STAT5B: variants seen among roughly 807,000 people sequenced by gnomAD.
The protein encoded by STAT5B is signal transducer and activator of transcription 5B.
A neutral mutation model predicts 107.8 loss-of-function variants in STAT5B; 21 were observed. That is an observed-to-expected ratio of 0.19 (90% CI 0.14 to 0.28). The LOEUF is 0.28. Among genes scored for constraint, STAT5B ranks in the 10% least tolerant of loss-of-function variants. STAT5B has a pLI of 1.00. For missense variants in STAT5B, 565 were observed against 1,008.2 expected (o/e 0.56, Z 5.95); for synonymous variants, 325 against 401.7 (o/e 0.81, Z 2.28).
At chr17:42,242,341 T>C (rs1160681847) in intron 1 of STAT5B, among the ~76,000 whole-genome samples, 2 of 152,048 alleles carry the variant, frequency 1.3e-5, no homozygotes, top group African/African-American at 4.8e-5. Context: ...ACTAAAACCA[T>C]TAGGTGACAG....
upstream of STAT5B, among the ~76,000 whole-genome samples, chr17:42,279,290 G>T (rs1018691651): frequency 2.0e-5 from 3 of 152,152 alleles, no homozygotes; most frequent in Admixed American, 2.0e-4. Context: ...TTTGTAATGT[G>T]GTGATAGAGA....
chr17:42,275,404 T>G (rs1255102601), intron 1 of STAT5B: 1 of 152,250 alleles, frequency 6.6e-6, no homozygotes, highest in East Asian at 1.9e-4. Flanking sequence ...AAGCTGACAC[T>G]TGGTTTTCTT....
At chr17:42,207,498 C>T (rs1031502958) in intron 16 of STAT5B, 60 bp downstream of exon 16, 4 of 1,537,228 alleles carry the variant, frequency 2.6e-6, no homozygotes, top group Middle Eastern at 1.7e-4. Flanking sequence ...CACACACACA[C>T]ACACACACAC....
rs1475262534 is a variant in STAT5B, at chr17:42,223,495, T to C, written c.437A>G (p.Gln146Arg). The change falls in exon 5 of 19, where the codon CAG becomes CGG. Residue 146 changes from glutamine (Q) to arginine (R), a missense_variant. By Grantham distance (43) the Gln-to-Arg change is conservative. Around this residue, in one of 11 missense-constraint regions of STAT5B, gnomAD observed 54 missense variants for 49.7 expected, o/e 1.09. Coordinates refer to ENST00000293328, the MANE Select transcript of STAT5B (RefSeq NM_012448.4). ...GACCAGTCGCAGCTCCTCAAACGTC[T>C]GGTTGATCTGGAGGTGTTTCTGGGA... ...AMSQKHLQIN[Q>R]TFEELRLVTQ... 6.2e-7 allele frequency: 1 copy of C among 1,614,170 alleles called. No homozygotes were observed. The highest frequency in any genetic ancestry group is 8.5e-7 in the Non-Finnish European group (1 of 1,180,030).
Position 42,200,114 on chromosome 17 carries a change from C to T in STAT5B, c.*1624G>A, listed in dbSNP as rs1417337992. 1.3e-5 allele frequency: 2 copies of T among 152,664 alleles called. No homozygotes were observed. Among genetic ancestry groups the T allele is most frequent in the Admixed American group, 6.5e-5 (1 of 15,270 alleles). The allele number at this position is 152,664 out of a possible 1,614,324, so 9.5% of individuals were successfully genotyped here. ...AAATAAATCAGTGTATGAAACCAAGCCAAGGCAAACGGCAGCTTTAAAAAA... is the reference window on the plus strand; with the variant it reads ...AAATAAATCAGTGTATGAAACCAAGTCAAGGCAAACGGCAGCTTTAAAAAA... On this transcript the variant is annotated 3_prime_UTR_variant, in exon 19 of 19. Transcript: ENST00000293328.
At chr17:42,245,615 C>A (rs568668102) in intron 1 of STAT5B, among the ~76,000 whole-genome samples, 1 of 151,996 alleles carries the variant, frequency 6.6e-6, no homozygotes, top group African/African-American at 2.4e-5. Context: ...CTCCGCCCCC[C>A]AGGTTCAAGC....
chr17:42,276,995 C>T (rs1348576338), upstream of STAT5B, among the ~76,000 whole-genome samples: 1 of 152,222 alleles, frequency 6.6e-6, no homozygotes, highest in Non-Finnish European at 1.5e-5. The surrounding 1 kb of genome is among the most constrained non-coding windows in gnomAD (Gnocchi z 4.8). Context: ...GGTGAACCTA[C>T]GGGGGACGGG....
upstream of STAT5B, among the ~76,000 whole-genome samples, chr17:42,281,406 C>T (rs1052547551): frequency 6.6e-6 from 1 of 152,130 alleles, no homozygotes; most frequent in African/African-American, 2.4e-5. Flanking sequence ...TCTTTTGTTA[C>T]AAAATACATA....
At chr17:42,223,295 T>C in intron 5 of STAT5B, 87 bp downstream of exon 5, 1 of 1,597,308 alleles carries the variant, frequency 6.3e-7, no homozygotes. Context: ...GAATGGAAAG[T>C]GTGCTTTCTC....
chr17:42,247,809 A>C (rs939622763), intron 1 of STAT5B, among the ~76,000 whole-genome samples: 2 of 152,122 alleles, frequency 1.3e-5, no homozygotes. Context: ...AAAAAGTAGT[A>C]GCGTGTGGTG....
rs761250147 is a variant in STAT5B at position 42,212,200 on chromosome 17, A to G, written c.1474-10T>C. The G allele has an allele frequency of 6.2e-7, 1 of 1,614,188 alleles. No individual in the cohort carries two copies. The highest frequency in any genetic ancestry group is 8.5e-7 in the Non-Finnish European group (1 of 1,180,014). On this transcript the variant is annotated splice_polypyrimidine_tract_variant and intron_variant, in intron 12 of 18. Transcript: ENST00000293328. ...CAAATGGCACCCTGCCCTGAGAGGGAGAGAGGCCAGAATCTGATGAGAAAA... is the reference window on the plus strand; with the variant it reads ...CAAATGGCACCCTGCCCTGAGAGGGGGAGAGGCCAGAATCTGATGAGAAAA...
chr17:42,278,973 C>G (rs1424869408), upstream of STAT5B, among the ~76,000 whole-genome samples: 4 of 148,926 alleles, frequency 2.7e-5, no homozygotes, highest in Admixed American at 6.7e-5. Context: ...GAGTGAGACT[C>G]CATCTCAAAA....
chr17:42,260,917 C>CTTTTTT (rs11402155), intron 1 of STAT5B, among the ~76,000 whole-genome samples: 1 of 141,916 alleles, frequency 7.0e-6, no homozygotes. Context: ...TATGTCTTAC[C>CTTTTTT]TTTTTTTTTT....
chr17:42,227,828 A>G, intron 2 of STAT5B, 143 bp from the exon 3 acceptor site: 1 of 751,380 alleles, frequency 1.3e-6, no homozygotes, highest in South Asian at 1.7e-5. Context: ...CCCAACAGAA[A>G]TGGACTCAAT....
At chr17:42,208,921 A>G (rs2080107104) in intron 15 of STAT5B, among the ~76,000 whole-genome samples, 1 of 151,822 alleles carries the variant, frequency 6.6e-6, no homozygotes, top group Non-Finnish European at 1.5e-5. Flanking sequence ...TTTAGTAGAG[A>G]CGGGGGTTTC....
intron 1 of STAT5B, among the ~76,000 whole-genome samples, chr17:42,263,871 GCACACA>G (rs3222522): frequency 0.018 from 2,587 of 144,814 alleles, 30 homozygotes; most frequent in African/African-American, 0.025. Context: ...TAGAAAGCGC[GCACACA>G]CACACACACA....
chr17:42,282,716 G>A, the STAT5B span, among the ~76,000 whole-genome samples: 1 of 152,194 alleles, frequency 6.6e-6, no homozygotes, highest in Non-Finnish European at 1.5e-5. Flanking sequence ...AGATCCAAGA[G>A]GCAGACTCAC....
chr17:42,254,286 G>A lies in STAT5B; in HGVS notation c.-11+21962C>T, dbSNP rs372806485. On this transcript the variant is annotated intron_variant, in intron 1 of 18. Transcript: ENST00000293328. ...TCCTAGCTACTCAGAAGGCTGAGGT[G>A]GGAGGATGGCTTGAGCCCAGGAGTT... is the stretch of plus-strand genomic sequence containing the variant. Among the ~76,000 whole-genome samples the A allele has an allele frequency of 1.1e-4, 16 of 152,212 alleles. No individual in the cohort carries two copies. The South Asian group carries it at 3.1e-3, about 30-fold the overall frequency.
intron 1 of STAT5B, among the ~76,000 whole-genome samples, chr17:42,237,423 A>C (rs2080365611): frequency 1.3e-5 from 2 of 152,206 alleles, no homozygotes; most frequent in South Asian, 4.1e-4. Flanking sequence ...AATATAAACT[A>C]TAACAAAGAA....
Sources: allele counts gnomAD v4.1 joint callset (sites outside exome capture counted in the v4.1 genomes callset), GRCh38; gene constraint gnomAD v4.1.1; regional missense constraint gnomAD v4.1.1; non-coding constraint Gnocchi (gnomAD v3.1); transcripts MANE v1.5; gene names NCBI Gene and HGNC (gene_info 2026-07-23, HGNC 2026-07-21).